The following ARID1B variants were observed in gnomAD, a reference collection of about 807,000 sequenced individuals.
ARID1B encodes AT-rich interactive domain-containing protein 1B.
A neutral mutation model predicts 212.3 loss-of-function variants in ARID1B; 30 were observed. The ratio of observed to expected loss-of-function variants is 0.14; its 90% CI spans 0.11 to 0.19. The LOEUF (loss-of-function observed/expected upper bound fraction) is 0.19, where lower values mean the gene tolerates loss of function less well. Ranked by LOEUF, ARID1B falls within the 10% of genes least tolerant of loss-of-function variation. ARID1B has a pLI of 1.00. For synonymous variants in ARID1B, 1,402 were observed against 1,301.7 expected, an observed-to-expected ratio of 1.08 and a Z score of -1.66; for missense variants, 2,891 against 3,204.0, an observed-to-expected ratio of 0.90 and a Z score of 2.36.
At chr6:157,002,683 T>G (rs143745641) in intron 4 of ARID1B, among the ~76,000 whole-genome samples, 267 of 152,366 alleles carry the variant, frequency 1.8e-3, no homozygotes, top group Admixed American at 2.9e-3. Flanking sequence ...TGCCTGAAAC[T>G]GTTAATTTGA....
intron 7 of ARID1B, among the ~76,000 whole-genome samples, chr6:157,139,218 C>T (rs967417483): frequency 1.3e-5 from 2 of 152,210 alleles, no homozygotes; most frequent in African/African-American, 4.8e-5. Context: ...CACCTCCTGC[C>T]CTCACCGTGT....
chr6:156,960,328 A>G (rs1469537595), intron 4 of ARID1B, among the ~76,000 whole-genome samples: 1 of 152,180 alleles, frequency 6.6e-6, no homozygotes, highest in Non-Finnish European at 1.5e-5. Context: ...ATCTGTTTGT[A>G]TGATGGACGT....
intron 2 of ARID1B, among the ~76,000 whole-genome samples, chr6:156,847,473 G>T (rs759912357): frequency 1.3e-5 from 2 of 152,170 alleles, no homozygotes; most frequent in Non-Finnish European, 2.9e-5. Context: ...GGCCGGCCAG[G>T]CTCTCCCACC....
intron 4 of ARID1B, among the ~76,000 whole-genome samples, chr6:157,072,728 A>C (rs1332226079): frequency 2.6e-5 from 4 of 152,242 alleles, no homozygotes; most frequent in Non-Finnish European, 5.9e-5. Context: ...ACAAAAATCA[A>C]AATAATCACT....
At chr6:156,986,940 AG>A (rs1479361623) in intron 4 of ARID1B, among the ~76,000 whole-genome samples, 1 of 152,162 alleles carries the variant, frequency 6.6e-6, no homozygotes, top group Non-Finnish European at 1.5e-5. Context: ...ACACTTTGGG[AG>A]GCTGAGGTTG....
rs185931486 is a variant in ARID1B, at chr6:157,133,238, C to A, written c.2761+31C>A. The A allele has an allele frequency of 4.6e-5, 72 of 1,548,712 alleles. No individual in the cohort carries two copies. The Admixed American group carries it at 1.0e-3, about 22-fold the overall frequency. Reference sequence around the variant, plus strand: ...ACCAAAGCTTCTCCAAAATGCATGGCAGCAAGTTGTAGAAATTTTCTTAAT... The same window carrying A: ...ACCAAAGCTTCTCCAAAATGCATGGAAGCAAGTTGTAGAAATTTTCTTAAT... On this transcript the variant is annotated intron_variant, in intron 7 of 19. Coordinates refer to ENST00000636930, the MANE Select transcript of ARID1B (RefSeq NM_001374828.1).
intron 2 of ARID1B, among the ~76,000 whole-genome samples, chr6:156,884,862 C>T (rs1206083617): frequency 1.3e-5 from 2 of 152,192 alleles, no homozygotes; most frequent in African/African-American, 2.4e-5. Flanking sequence ...CATTTCCCCC[C>T]AGTTCCTTAT....
intron 2 of ARID1B, among the ~76,000 whole-genome samples, chr6:156,860,486 G>A (rs1029058038): frequency 4.6e-5 from 7 of 152,080 alleles, no homozygotes; most frequent in Non-Finnish European, 7.4e-5. Context: ...CCATTAAATC[G>A]TGGGATTTAT....
intron 4 of ARID1B, among the ~76,000 whole-genome samples, chr6:156,970,707 C>G (rs1204148744): frequency 6.6e-6 from 1 of 152,264 alleles, no homozygotes; most frequent in Non-Finnish European, 1.5e-5. Context: ...AGCCTTCCTT[C>G]TGCATTGCTG....
chr6:156,931,701 G>A (rs532019977), intron 3 of ARID1B, among the ~76,000 whole-genome samples: 6 of 152,078 alleles, frequency 3.9e-5, no homozygotes, highest in South Asian at 4.2e-4. Flanking sequence ...GGTGGCTCAC[G>A]CCTGTAATCC....
chr6:156,971,856 G>A (rs921390703), intron 4 of ARID1B, among the ~76,000 whole-genome samples: 2 of 152,062 alleles, frequency 1.3e-5, no homozygotes, highest in Non-Finnish European at 2.9e-5. Context: ...AACTAATTAG[G>A]GGCCTTAATT....
At chr6:157,159,401 C>T (rs1305379719) in intron 8 of ARID1B, among the ~76,000 whole-genome samples, 3 of 152,158 alleles carry the variant, frequency 2.0e-5, no homozygotes, top group African/African-American at 7.2e-5. Flanking sequence ...ATTTGTTCTC[C>T]TGGTTGCTTT....
At chr6:156,854,561 A>G (rs1397822988) in intron 2 of ARID1B, among the ~76,000 whole-genome samples, 5 of 152,228 alleles carry the variant, frequency 3.3e-5, no homozygotes, top group Non-Finnish European at 7.3e-5. Flanking sequence ...ATGTTGGGTC[A>G]GCTTTCAAAA....
At chr6:157,044,048 A>G (rs983261231) in intron 4 of ARID1B, among the ~76,000 whole-genome samples, 3 of 152,224 alleles carry the variant, frequency 2.0e-5, no homozygotes, top group Admixed American at 6.5e-5. Context: ...TCTGGACACA[A>G]CATTTGGAAT....
intron 1 of ARID1B, among the ~76,000 whole-genome samples, chr6:156,806,410 G>A (rs115677097): frequency 0.011 from 1,599 of 152,218 alleles, 24 homozygotes; most frequent in African/African-American, 0.035. Flanking sequence ...TGCTCTCTAC[G>A]TGTCCTTTCT....
intron 4 of ARID1B, among the ~76,000 whole-genome samples, chr6:156,979,330 A>G (rs1203552234): frequency 6.6e-6 from 1 of 152,196 alleles, no homozygotes; most frequent in Non-Finnish European, 1.5e-5. Flanking sequence ...TATTCAGAAT[A>G]TGGTGTTAGG....
chr6:157,105,421 A>G (rs753596256), intron 5 of ARID1B, among the ~76,000 whole-genome samples: 5 of 151,370 alleles, frequency 3.3e-5, no homozygotes, highest in African/African-American at 1.2e-4. Context: ...ACCACAGACA[A>G]AGGGCTAATA....
At chr6:157,048,782 T>C (rs1185542342) in intron 4 of ARID1B, among the ~76,000 whole-genome samples, 1 of 152,010 alleles carries the variant, frequency 6.6e-6, no homozygotes, top group Non-Finnish European at 1.5e-5. Context: ...AAGCAGAGAG[T>C]TTTGCCATGT....
At position 157,203,293 on chromosome 6, in the gene ARID1B, C is replaced by A. The variant is rs774188358; in HGVS notation, c.5264-573C>A. 9.9e-5 allele frequency among the ~76,000 whole-genome samples: 15 copies of A among 152,184 alleles called. No homozygotes were observed. The highest frequency in any genetic ancestry group is 1.3e-4 in the Admixed American group (2 of 15,276). On this transcript the variant is annotated intron_variant, in intron 18 of 19. Transcript: ENST00000636930. This position sits in a 1 kb window ranked among gnomAD's most constrained non-coding sequence, Gnocchi z 4.4. ...GGCTCCAGCCATACTCCTGAGAAAT[C>A]TGAGCCATCAAAGTGCTAATATTTA...
Sources: allele counts gnomAD v4.1 joint callset (sites outside exome capture counted in the v4.1 genomes callset), GRCh38; gene constraint gnomAD v4.1.1; non-coding constraint Gnocchi (gnomAD v3.1); transcripts MANE v1.5; gene names NCBI Gene and HGNC (gene_info 2026-07-23, HGNC 2026-07-21).